Variants in SLC71A2 observed in about 807,000 individuals in gnomAD.
SLC71A2 encodes the protein solute carrier family 71 member 2.
the SLC71A2 span, among the ~76,000 whole-genome samples, chr9:94,399,655 C>A: frequency 9.9e-5 from 15 of 152,178 alleles, no homozygotes; most frequent in Non-Finnish European, 1.9e-4. Context: ...ATACATGGTT[C>A]CAGAATTGTT....
At chr9:94,444,798 T>G in the SLC71A2 span, among the ~76,000 whole-genome samples, 37 of 152,350 alleles carry the variant, frequency 2.4e-4, no homozygotes, top group Non-Finnish European at 4.9e-4. Flanking sequence ...TTCTTTTGTC[T>G]TACTTAAAGC....
chr9:94,447,105 A>G, the SLC71A2 span, among the ~76,000 whole-genome samples: 4 of 152,230 alleles, frequency 2.6e-5, no homozygotes, highest in Non-Finnish European at 4.4e-5. Flanking sequence ...CTTTAATGCA[A>G]TGATTTATAG....
chr9:94,432,248 C>T, the SLC71A2 span, among the ~76,000 whole-genome samples: 1 of 152,084 alleles, frequency 6.6e-6, no homozygotes, highest in Non-Finnish European at 1.5e-5. Context: ...CGCCTGTAAT[C>T]CCAGCACTTT....
the SLC71A2 span, among the ~76,000 whole-genome samples, chr9:94,423,753 C>G: frequency 1.2e-3 from 187 of 152,324 alleles, no homozygotes; most frequent in Middle Eastern, 3.4e-3. Context: ...TGAGGCTGCT[C>G]TGAAGATTCT....
the SLC71A2 span, among the ~76,000 whole-genome samples, chr9:94,442,390 C>T: frequency 1.3e-5 from 2 of 152,086 alleles, no homozygotes; most frequent in African/African-American, 4.8e-5. Flanking sequence ...GACTCTTCTA[C>T]CTTCCCTCTC....
At chr9:94,379,955 T>C in the SLC71A2 span, among the ~76,000 whole-genome samples, 4 of 152,198 alleles carry the variant, frequency 2.6e-5, no homozygotes, top group African/African-American at 9.6e-5. Context: ...TTTATTACCC[T>C]ATGGAAGCAT....
the SLC71A2 span, among the ~76,000 whole-genome samples, chr9:94,454,327 C>A: frequency 3.9e-5 from 6 of 152,210 alleles, no homozygotes; most frequent in East Asian, 1.2e-3. Flanking sequence ...CCCTCCAGCC[C>A]CCAAATAAAG....
the SLC71A2 span, chr9:94,454,113 C>A: frequency 1.5e-6 from 2 of 1,370,460 alleles, no homozygotes; most frequent in Non-Finnish European, 2.1e-6. Context: ...CAGACAGATG[C>A]CTCTTAGAGG....
chr9:94,457,759 G>C, the SLC71A2 span, among the ~76,000 whole-genome samples: 2 of 152,144 alleles, frequency 1.3e-5, no homozygotes, highest in African/African-American at 4.8e-5. Flanking sequence ...GGAACACATT[G>C]TATTAGGCTG....
chr9:94,377,927 A>G, the SLC71A2 span, among the ~76,000 whole-genome samples: 1 of 152,102 alleles, frequency 6.6e-6, no homozygotes, highest in African/African-American at 2.4e-5. Flanking sequence ...CAACATGGTG[A>G]AATCCTGTCT....
chr9:94,414,784 C>G, the SLC71A2 span, among the ~76,000 whole-genome samples: 4 of 152,126 alleles, frequency 2.6e-5, no homozygotes, highest in Middle Eastern at 3.2e-3. Flanking sequence ...CTCAGCCTCC[C>G]AAGTAGCTGG....
the SLC71A2 span, among the ~76,000 whole-genome samples, chr9:94,383,694 C>T: frequency 3.3e-5 from 5 of 152,076 alleles, no homozygotes; most frequent in African/African-American, 1.2e-4. Context: ...ACAAGAAAGC[C>T]TTTTGGGATT....
chr9:94,431,738 C>CT, the SLC71A2 span, among the ~76,000 whole-genome samples: 1 of 150,252 alleles, frequency 6.7e-6, no homozygotes, highest in Non-Finnish European at 1.5e-5. Flanking sequence ...TCTCAATATT[C>CT]TTTAATTTGG....
chr9:94,453,873 C>G, the SLC71A2 span: 2 of 902,238 alleles, frequency 2.2e-6, no homozygotes, highest in Non-Finnish European at 3.7e-6. Context: ...CTCTGGTCAT[C>G]AGGGAAGGGT....
chr9:94,410,882 C>CA, the SLC71A2 span, among the ~76,000 whole-genome samples: 2 of 152,224 alleles, frequency 1.3e-5, 1 homozygote, highest in South Asian at 4.1e-4. Context: ...TCTCCTGCCT[C>CA]AGCCTCCTGA....
chr9:94,452,166 A>C, the SLC71A2 span, among the ~76,000 whole-genome samples: 2 of 152,226 alleles, frequency 1.3e-5, 1 homozygote, highest in South Asian at 4.1e-4. Flanking sequence ...TGGATTGCAA[A>C]ATCAACTAGG....
chr9:94,429,140 C>A, the SLC71A2 span: 1 of 1,603,314 alleles, frequency 6.2e-7, no homozygotes, highest in Non-Finnish European at 8.5e-7. Flanking sequence ...GAAAATTTTT[C>A]CTTTAACTTA....
the SLC71A2 span, among the ~76,000 whole-genome samples, chr9:94,440,193 G>A: frequency 1.9e-3 from 284 of 150,276 alleles, no homozygotes; most frequent in African/African-American, 6.5e-3. Flanking sequence ...TCTCTCTGTC[G>A]CCCAGGCTGG....
At chr9:94,410,350 A>G in the SLC71A2 span, among the ~76,000 whole-genome samples, 3,407 of 152,042 alleles carry the variant, frequency 0.022, 130 homozygotes, top group African/African-American at 0.078. Flanking sequence ...CCCACCTGCC[A>G]CCTGAGCCTC....
Sources: allele counts gnomAD v4.1 joint callset (sites outside exome capture counted in the v4.1 genomes callset), GRCh38; gene constraint gnomAD v4.1.1; transcripts MANE v1.5; gene names NCBI Gene and HGNC (gene_info 2026-07-23, HGNC 2026-07-21).